The following PLCL2 variants were observed in gnomAD, a reference collection of about 807,000 sequenced individuals.
PLCL2 encodes inactive phospholipase C-like protein 2.
A neutral mutation model predicts 79.6 loss-of-function variants in PLCL2; 4 were observed. The ratio of observed to expected loss-of-function variants is 0.05; its 90% CI spans 0.02 to 0.11. PLCL2 has a LOEUF of 0.11. Among genes scored for constraint, PLCL2 ranks in the 10% least tolerant of loss-of-function variants. PLCL2 has a pLI of 1.00. For missense variants in PLCL2, 895 were observed against 1,291.0 expected, an observed-to-expected ratio of 0.69 and a Z score of 4.70; for synonymous variants, 484 against 457.7, an observed-to-expected ratio of 1.06 and a Z score of -0.73.
At chr3:17,087,925 T>C (rs1199035715) in intron 5 of PLCL2, among the ~76,000 whole-genome samples, 2 of 152,226 alleles carry the variant, frequency 1.3e-5, no homozygotes, top group Non-Finnish European at 2.9e-5. Context: ...GGAAATACAC[T>C]ATTTAACATG....
intron 4 of PLCL2, among the ~76,000 whole-genome samples, chr3:17,045,881 T>C (rs1216658262): frequency 6.6e-6 from 1 of 151,644 alleles, no homozygotes; most frequent in Non-Finnish European, 1.5e-5. Context: ...AAGAGAGGAG[T>C]GTTTTCCATT....
At chr3:16,952,360 CAAAAAAAAAAAAAAAAAAAA>C (rs35421244) in intron 1 of PLCL2, among the ~76,000 whole-genome samples, 3 of 22,616 alleles carry the variant, frequency 1.3e-4, no homozygotes, top group African/African-American at 5.4e-4. Context: ...GAACTTAAAG[CAAAAAAAAAAAAAAAAAAAA>C]AAAAAAAAAA....
chr3:16,946,499 A>G (rs1177792576), intron 1 of PLCL2, among the ~76,000 whole-genome samples: 2 of 152,116 alleles, frequency 1.3e-5, no homozygotes, highest in East Asian at 1.9e-4. Context: ...GTCTGCCTAC[A>G]TTATTTCAGT....
intron 1 of PLCL2, among the ~76,000 whole-genome samples, chr3:16,947,442 A>G (rs1197491110): frequency 3.9e-5 from 6 of 152,202 alleles, no homozygotes; most frequent in Admixed American, 3.9e-4. Flanking sequence ...TGGAGGAATA[A>G]TGATTCCTAC....
In PLCL2 at chr3:16,887,688, C is replaced by T. The variant is rs1041746878; in HGVS notation, c.327+2322C>T. On this transcript the variant is annotated intron_variant, in intron 1 of 5. Transcript: ENST00000615277. The surrounding 1 kb of genome is among the most constrained non-coding windows in gnomAD (Gnocchi z 4.1). ...CTAAAGATAACTTCCAGCATCAGGA[C>T]AATATCCTAATAGAAAACAAAGTCT... Among the ~76,000 whole-genome samples, 13 of 151,934 alleles carry T rather than the reference C, an allele frequency of 8.6e-5. No homozygotes were observed. The highest frequency in any genetic ancestry group is 2.9e-4 in the African/African-American group (12 of 41,414).
chr3:16,961,213 T>G (rs1301250337), intron 1 of PLCL2, among the ~76,000 whole-genome samples: 1 of 152,190 alleles, frequency 6.6e-6, no homozygotes, highest in African/African-American at 2.4e-5. Flanking sequence ...CACTAGCAAA[T>G]GTTGAGACTG....
rs527824689 is a variant in PLCL2 at position 17,011,184 on chromosome 3, A to G, written c.1838A>G (p.Gln613Arg). Residue 613 changes from glutamine to arginine, a missense_variant, in exon 2 of 6, where the codon CAG becomes CGG. Physicochemically the swap from Gln to Arg is conservative, Grantham distance 43. Coordinates refer to ENST00000615277, the MANE Select transcript of PLCL2 (RefSeq NM_001144382.2). The surrounding 1 kb of genome is among the most constrained non-coding windows in gnomAD (Gnocchi z 7.9). ...QPNNVPVKRF[Q>R]LCKELSELVS... is the part of the protein sequence containing the mutation. ...AATAATGTGCCTGTGAAGCGATTTC[A>G]GCTTTGTAAAGAACTGTCTGAACTG... 1 of 1,614,214 alleles carries G rather than the reference A, an allele frequency of 6.2e-7. No individual in the cohort carries two copies. Among genetic ancestry groups the G allele is most frequent in the Non-Finnish European group, 8.5e-7 (1 of 1,180,044 alleles).
chr3:16,897,440 G>A (rs1394726657), intron 1 of PLCL2, among the ~76,000 whole-genome samples: 1 of 152,060 alleles, frequency 6.6e-6, no homozygotes, highest in African/African-American at 2.4e-5. Flanking sequence ...AACTATATAG[G>A]TGTACCCATG....
intron 4 of PLCL2, among the ~76,000 whole-genome samples, chr3:17,067,643 C>A (rs866570949): frequency 2.0e-5 from 3 of 152,190 alleles, no homozygotes; most frequent in South Asian, 4.1e-4. Flanking sequence ...CTTTCTGCTC[C>A]CTTGGCAGCT....
chr3:16,927,443 A>G (rs1386047814), intron 1 of PLCL2, among the ~76,000 whole-genome samples: 1 of 152,218 alleles, frequency 6.6e-6, no homozygotes, highest in East Asian at 1.9e-4. Flanking sequence ...TTGTTAGTTT[A>G]AAAGGAATGC....
intron 1 of PLCL2, among the ~76,000 whole-genome samples, chr3:16,954,281 G>GT (rs894149081): frequency 3.5e-4 from 53 of 152,170 alleles, no homozygotes; most frequent in African/African-American, 1.1e-3. Flanking sequence ...GCGGTGTTTG[G>GT]TTTTTTGTCC....
Position 17,012,051 on chromosome 3 carries a change from C to A in PLCL2, c.2705C>A (p.Ser902Tyr). Residue 902 changes from serine (S) to tyrosine (Y), a missense_variant, in exon 2 of 6, where the codon TCC (serine) becomes TAC (tyrosine). Ser to Tyr is a moderately radical substitution (Grantham distance 144). This residue lies in a region of PLCL2 where 298 missense variants were observed against 459.6 expected (regional missense o/e 0.65). Coordinates refer to ENST00000615277, the MANE Select transcript of PLCL2 (RefSeq NM_001144382.2). ...CTTTCTGTGAGAAAAGGGAAGAAAT[C>A]CAGGGAATATGCATCTTTGAGAACA... ...RGLSVRKGKK[S>Y]REYASLRTLW... The A allele has an allele frequency of 6.2e-7, 1 of 1,614,164 alleles. No individual in the cohort carries two copies. Among genetic ancestry groups the A allele is most frequent in the African/African-American group, 1.3e-5 (1 of 75,060 alleles).
At chr3:16,932,562 T>C (rs2124943682) in intron 1 of PLCL2, among the ~76,000 whole-genome samples, 1 of 152,364 alleles carries the variant, frequency 6.6e-6, no homozygotes, top group South Asian at 2.1e-4. Context: ...TGTTTCATAA[T>C]TACCATATTT....
chr3:16,988,682 T>C lies in PLCL2; in HGVS notation c.328-20992T>C, dbSNP rs2064074756. Among the ~76,000 whole-genome samples, 3 of 152,160 alleles carry C rather than the reference T, an allele frequency of 2.0e-5. No individual in the cohort carries two copies. The South Asian group carries it at 6.2e-4, about 31-fold the overall frequency. On this transcript the variant is annotated intron_variant, in intron 1 of 5. Transcript: ENST00000615277. ...GTTGTGGCCTTCAGGAACTACAAAT[T>C]ATTTTTAAGTGGTTATCCTGACTGA...
At chr3:16,885,428 TG>T in intron 1 of PLCL2, 62 bp downstream of exon 1, 1 of 545,022 alleles carries the variant, frequency 1.8e-6, no homozygotes, top group Non-Finnish European at 3.3e-6. Flanking sequence ...ATTTTCTCCC[TG>T]GGGGAGTGGT....
chr3:17,017,700 C>T (rs539617666), intron 3 of PLCL2, among the ~76,000 whole-genome samples: 1 of 152,172 alleles, frequency 6.6e-6, no homozygotes, highest in Non-Finnish European at 1.5e-5. Context: ...TCCAGAACTC[C>T]TGTGTCATGG....
intron 1 of PLCL2, among the ~76,000 whole-genome samples, chr3:16,936,844 A>G (rs1411754380): frequency 6.6e-6 from 1 of 152,056 alleles, no homozygotes; most frequent in Non-Finnish European, 1.5e-5. Context: ...TTTTTTCTTC[A>G]TGACAGCACA....
In PLCL2 at chr3:17,068,070, C is replaced by A; in HGVS notation, c.3204+5C>A. 6.6e-7 allele frequency: 1 copy of A among 1,505,612 alleles called. No homozygotes were observed. Among genetic ancestry groups the A allele is most frequent in the Non-Finnish European group, 9.2e-7 (1 of 1,085,086 alleles). 93.3% of individuals were successfully genotyped at this position (1,505,612 alleles called of 1,614,324 possible). Reference sequence around the variant, plus strand: ...TGGAATATTACCATCTTAAAGGTATCTATAGAGTTGTTTCTGATGCTGGTG... The same window carrying A: ...TGGAATATTACCATCTTAAAGGTATATATAGAGTTGTTTCTGATGCTGGTG... On this transcript the variant is annotated splice_donor_5th_base_variant and intron_variant, in intron 5 of 5. Coordinates refer to ENST00000615277, the MANE Select transcript of PLCL2 (RefSeq NM_001144382.2).
intron 1 of PLCL2, among the ~76,000 whole-genome samples, chr3:16,922,340 A>G (rs1697142175): frequency 6.6e-6 from 1 of 152,208 alleles, no homozygotes; most frequent in Non-Finnish European, 1.5e-5. Flanking sequence ...AAATCACTTC[A>G]TGCTTTTCTA....
Sources: allele counts gnomAD v4.1 joint callset (sites outside exome capture counted in the v4.1 genomes callset), GRCh38; gene constraint gnomAD v4.1.1; regional missense constraint gnomAD v4.1.1; non-coding constraint Gnocchi (gnomAD v3.1); transcripts MANE v1.5; gene names NCBI Gene and HGNC (gene_info 2026-07-23, HGNC 2026-07-21).